The following BOC variants were observed in gnomAD, a reference collection of about 807,000 sequenced individuals.
BOC encodes brother of CDO.
Under a neutral mutation model 112.0 loss-of-function variants are expected in BOC, and 76 were observed. The ratio of observed to expected loss-of-function variants is 0.68; its 90% CI spans 0.56 to 0.82. The LOEUF (loss-of-function observed/expected upper bound fraction) is 0.82. Ranked by LOEUF, BOC falls within the 40% of genes least tolerant of loss-of-function variation. The pLI is 0.00. For synonymous variants in BOC, 580 were observed against 599.8 expected, an observed-to-expected ratio of 0.97 and a Z score of 0.48; for missense variants, 1,309 against 1,511.7, an observed-to-expected ratio of 0.87 and a Z score of 2.22.
At chr3:113,256,422 C>T (rs1946231245) in intron 4 of BOC, among the ~76,000 whole-genome samples, 1 of 152,190 alleles carries the variant, frequency 6.6e-6, no homozygotes, top group African/African-American at 2.4e-5. Context: ...CAGTGTAGCC[C>T]GCAGAGCTGC....
At chr3:113,246,351 C>T (rs1944918787) in intron 2 of BOC, among the ~76,000 whole-genome samples, 1 of 152,128 alleles carries the variant, frequency 6.6e-6, no homozygotes, top group Non-Finnish European at 1.5e-5. Flanking sequence ...ATATATTTTG[C>T]ATTGCCAAGA....
At chr3:113,249,394 A>G (rs1381992764) in intron 2 of BOC, among the ~76,000 whole-genome samples, 4 of 152,240 alleles carry the variant, frequency 2.6e-5, no homozygotes, top group Admixed American at 6.5e-5. Flanking sequence ...GTCCTGTGCC[A>G]TGGATATGGC....
At chr3:113,271,095 A>C in intron 6 of BOC, 151 bp downstream of exon 6, 11 of 1,152,656 alleles carry the variant, frequency 9.5e-6, no homozygotes, top group Non-Finnish European at 1.3e-5. Context: ...AGGGGTTCTC[A>C]GCCAGGGATT....
chr3:113,256,725 C>T lies in BOC; in HGVS notation c.376+5892C>T, dbSNP rs1229301619. 5.3e-5 allele frequency among the ~76,000 whole-genome samples: 8 copies of T among 152,048 alleles called. No individual in the cohort carries two copies. In the East Asian group the frequency reaches 1.5e-3, roughly 29 times the overall value. ...CTTCCTTTATCTCTGTATTAGGGTT[C>T]TCCAGAGAAGCAGAACCAATAATAC... On this transcript the variant is annotated intron_variant, in intron 4 of 19. Transcript: ENST00000682979.
Position 113,278,389 on chromosome 3 carries a change from C to A in BOC, c.1705+132C>A. 1.8e-6 allele frequency: 2 copies of A among 1,110,510 alleles called. No homozygotes were observed. Among genetic ancestry groups the A allele is most frequent in the African/African-American group, 1.6e-5 (1 of 63,974 alleles). The allele number at this position is 1,110,510 out of a possible 1,614,324, so 68.8% of individuals were successfully genotyped here. A position where few individuals can be genotyped will look rare whatever the true frequency, so the allele number is the denominator to read the frequency against. On this transcript the variant is annotated intron_variant, in intron 10 of 19. Coordinates refer to ENST00000682979, the MANE Select transcript of BOC (RefSeq NM_001378074.1). This position sits in a 1 kb window ranked among gnomAD's most constrained non-coding sequence, Gnocchi z 4.2. The stretch of plus-strand genomic sequence containing the variant: ...ACTTCATCTTTCCTTCCAGCTACTG[C>A]CTCCTTGTGGTTTGTGTGCTAGGCT...
At position 113,274,505 on chromosome 3, in the gene BOC, G is replaced by A; in HGVS notation, c.1365G>A (p.Val455=). ...QPALPRPPTS[V]GPASPQCPGE... is the part of the protein sequence containing the mutation. ...CGCTCCCCAGACCCCCAACGTCAGT[G>A]GGGCCTGCTTCCCCGCAGTGTCCAG... Residue 455 remains valine, a synonymous_variant, in exon 9 of 20, where the codon GTG becomes GTA. Coordinates refer to ENST00000682979, the MANE Select transcript of BOC (RefSeq NM_001378074.1). This position sits in a 1 kb window ranked among gnomAD's most constrained non-coding sequence, Gnocchi z 4.8. 2 of 1,613,068 alleles carry A rather than the reference G, an allele frequency of 1.2e-6. No individual in the cohort carries two copies. The highest frequency in any genetic ancestry group is 1.7e-6 in the Non-Finnish European group (2 of 1,179,604).
At chr3:113,240,466 G>A (rs898093468) in intron 2 of BOC, among the ~76,000 whole-genome samples, 5 of 152,292 alleles carry the variant, frequency 3.3e-5, no homozygotes, top group Middle Eastern at 6.8e-3. Context: ...AGTTGTCAGG[G>A]AGCATTCCAA....
intron 4 of BOC, among the ~76,000 whole-genome samples, chr3:113,255,025 G>C (rs1946080075): frequency 1.3e-5 from 2 of 152,022 alleles, no homozygotes; most frequent in Admixed American, 1.3e-4. Flanking sequence ...GGCCATGTGG[G>C]TAATGGCTGC....
Position 113,284,424 on chromosome 3 carries a change from C to T in BOC, c.2746C>T (p.Gln916Ter). ...GCCATTGGGAGGACTCCCAGGCCAC[C>T]AGGCCAGTGGACAGCCCTACCTCAG... ...MVPLGGLPGH[Q>*]ASGQPYLSGI... The change falls in exon 17 of 20, where the codon CAG becomes TAG. Residue 916 changes from glutamine to a stop codon, truncating the protein, a stop_gained. Coordinates refer to ENST00000682979, the MANE Select transcript of BOC (RefSeq NM_001378074.1). LOFTEE classifies it high-confidence loss of function. The T allele has an allele frequency of 6.2e-7, 1 of 1,614,248 alleles. No homozygotes were observed. Among genetic ancestry groups the T allele is most frequent in the Non-Finnish European group, 8.5e-7 (1 of 1,180,044 alleles).
Position 113,272,697 on chromosome 3 carries a change from G to C in BOC, c.955G>C (p.Val319Leu). ...AGCGGTCATCCTCTACAATGTCCAG[G>C]TGTTTGGTGAGTGTCTGCTGTGGAC... is the stretch of plus-strand genomic sequence containing the variant. The part of the protein sequence containing the change: ...GAAVILYNVQ[V>L]FEPPEVTMEL... The change falls in exon 7 of 20, where the codon GTG (valine) becomes CTG (leucine). Residue 319 changes from valine (V) to leucine (L), a missense_variant. By Grantham distance (32) the Val-to-Leu change is conservative. Coordinates refer to ENST00000682979, the MANE Select transcript of BOC (RefSeq NM_001378074.1). The C allele has an allele frequency of 6.2e-7, 1 of 1,613,468 alleles. No homozygotes were observed. The highest frequency in any genetic ancestry group is 8.5e-7 in the Non-Finnish European group (1 of 1,179,708).
chr3:113,279,111 T>C, intron 11 of BOC, 138 bp from the exon 12 acceptor site: 1 of 866,608 alleles, frequency 1.2e-6, no homozygotes, highest in Non-Finnish European at 1.8e-6. Context: ...TGAACACCAG[T>C]GGGTGGAGGG....
rs752647731 is a variant in BOC at position 113,280,011 on chromosome 3, C to T, written c.2205+6C>T. ...CCATCATGCTCAAGTGGATGGTAAG[C>T]GGGCCTGGCCGTGGACTGCAGTGGA... On this transcript the variant is annotated splice_donor_region_variant and intron_variant, in intron 13 of 19. Transcript: ENST00000682979. 7 of 1,596,444 alleles carry T rather than the reference C, an allele frequency of 4.4e-6. No homozygotes were observed. In the African/African-American group the frequency reaches 5.4e-5, roughly 12 times the overall value.
rs764832774 is a variant in BOC, at chr3:113,234,543, ATGT to A, written c.-81-15175_-81-15173del. The stretch of plus-strand genomic sequence containing the variant: ...ATTTCAATTTTGGTATAATAGAAAG[ATGT>A]TGTCAAAGCTGATGGGGGCTAGGTC... On this transcript the variant is annotated intron_variant, in intron 2 of 19. Coordinates refer to ENST00000682979, the MANE Select transcript of BOC (RefSeq NM_001378074.1). Among the ~76,000 whole-genome samples, 18 of 152,180 alleles carry A rather than the reference ATGT, an allele frequency of 1.2e-4. 1 individual carries two copies. Among genetic ancestry groups the A allele is most frequent in the Non-Finnish European group, 2.9e-5 (2 of 68,026 alleles).
In BOC at chr3:113,257,940, A is replaced by G. The variant is rs145986794; in HGVS notation, c.376+7107A>G. Among the ~76,000 whole-genome samples, 39 of 152,356 alleles carry G rather than the reference A, an allele frequency of 2.6e-4. No individual in the cohort carries two copies. The East Asian group carries it at 7.3e-3, about 29-fold the overall frequency. ...TTTAGAATTTCTAACAGAGCACAGT[A>G]AGATCTGGTCCTGGCCATTGAACAT... is the stretch of plus-strand genomic sequence containing the variant. On this transcript the variant is annotated intron_variant, in intron 4 of 19. Transcript: ENST00000682979.
chr3:113,257,044 G>C (rs1292990906), intron 4 of BOC, among the ~76,000 whole-genome samples: 3 of 152,190 alleles, frequency 2.0e-5, no homozygotes, highest in Non-Finnish European at 4.4e-5. Context: ...GTCTAGCAAA[G>C]TTGACACATG....
chr3:113,265,810 G>A (rs971837192), intron 4 of BOC, among the ~76,000 whole-genome samples: 5 of 152,240 alleles, frequency 3.3e-5, no homozygotes, highest in Admixed American at 1.3e-4. Context: ...TGAAAGCAGA[G>A]CATTAAACTG....
At chr3:113,272,245 C>A (rs1416531892) in intron 6 of BOC, 165 bp from the exon 7 acceptor site, 3 of 718,540 alleles carry the variant, frequency 4.2e-6, no homozygotes, top group Admixed American at 2.5e-5. Context: ...ATAAGGACAC[C>A]AAGCCCCAAG....
At chr3:113,280,953 C>T (rs777102786) in intron 14 of BOC, 78 bp from the exon 15 acceptor site, 2 of 1,570,972 alleles carry the variant, frequency 1.3e-6, no homozygotes, top group East Asian at 2.2e-5. Context: ...ACTGCCCCAG[C>T]TGAGTCTGAC....
chr3:113,280,585 C>T lies in BOC; in HGVS notation c.2233C>T (p.Pro745Ser), dbSNP rs748502858. 7.4e-6 allele frequency: 12 copies of T among 1,611,794 alleles called. No homozygotes were observed. Among genetic ancestry groups the T allele is most frequent in the Non-Finnish European group, 9.3e-6 (11 of 1,177,922 alleles). ...MYIPASNNNT[P>S]IHGFYIYYRP... ...CATCCCAGCAAGTAACAACAACACC[C>T]CAATCCATGGCTTTTATATCTATTA... is the stretch of plus-strand genomic sequence containing the variant. The change falls in exon 14 of 20, where the codon CCA (proline) becomes TCA (serine). Residue 745 changes from proline (P) to serine (S), a missense_variant. Coordinates refer to ENST00000682979, the MANE Select transcript of BOC (RefSeq NM_001378074.1).
Sources: allele counts gnomAD v4.1 joint callset (sites outside exome capture counted in the v4.1 genomes callset), GRCh38; gene constraint gnomAD v4.1.1; non-coding constraint Gnocchi (gnomAD v3.1); transcripts MANE v1.5; gene names NCBI Gene and HGNC (gene_info 2026-07-23, HGNC 2026-07-21).